Variants in NRXN3 observed in about 807,000 individuals in gnomAD.
NRXN3 encodes neurexin 3.
A neutral mutation model predicts 137.6 loss-of-function variants in NRXN3; 32 were observed. The ratio of observed to expected loss-of-function variants is 0.23; its 90% CI spans 0.18 to 0.31. The LOEUF is 0.31. Ranked by LOEUF, NRXN3 falls within the 10% of genes least tolerant of loss-of-function variation. The pLI is 1.00. For synonymous variants in NRXN3, 798 were observed against 784.5 expected (o/e 1.02, Z -0.29); for missense variants, 1,574 against 2,062.5 (o/e 0.76, Z 4.59).
At chr14:79,523,219 C>T (rs973165121) in intron 16 of NRXN3, among the ~76,000 whole-genome samples, 1 of 152,102 alleles carries the variant, frequency 6.6e-6, no homozygotes, top group Non-Finnish European at 1.5e-5. Flanking sequence ...CAGGTAGCCA[C>T]ATGGTTCTTA....
At chr14:78,381,677 C>A (rs1174158393) in intron 4 of NRXN3, among the ~76,000 whole-genome samples, 1 of 152,112 alleles carries the variant, frequency 6.6e-6, no homozygotes, top group Non-Finnish European at 1.5e-5. Flanking sequence ...CTGGAGATAA[C>A]CCAGATATCC....
chr14:79,808,750 A>G (rs1159486851), intron 20 of NRXN3, among the ~76,000 whole-genome samples: 3 of 152,194 alleles, frequency 2.0e-5, no homozygotes, highest in Non-Finnish European at 4.4e-5. Context: ...AGTGTGTGCT[A>G]TAATTCAATT....
intron 8 of NRXN3, among the ~76,000 whole-genome samples, chr14:78,794,763 A>C (rs2098816163): frequency 6.6e-6 from 1 of 152,140 alleles, no homozygotes; most frequent in Non-Finnish European, 1.5e-5. Flanking sequence ...AAAATGATGA[A>C]CATGTACTAT....
intron 10 of NRXN3, among the ~76,000 whole-genome samples, chr14:78,920,315 G>T (rs1289247638): frequency 6.6e-6 from 1 of 151,968 alleles, no homozygotes; most frequent in African/African-American, 2.4e-5. Flanking sequence ...GCAAGTCAAT[G>T]GCTACATCAA....
intron 6 of NRXN3, among the ~76,000 whole-genome samples, chr14:78,667,325 G>T (rs1393488087): frequency 6.6e-6 from 1 of 152,128 alleles, no homozygotes; most frequent in Non-Finnish European, 1.5e-5. Flanking sequence ...TTTCTTATGA[G>T]GATCAAATGA....
intron 16 of NRXN3, among the ~76,000 whole-genome samples, chr14:79,504,704 A>G (rs2096860102): frequency 1.4e-5 from 2 of 143,832 alleles, no homozygotes; most frequent in South Asian, 4.3e-4. Context: ...ACATTTCATG[A>G]TGAAATAAAA....
At chr14:79,109,301 T>G (rs2152875765) in intron 15 of NRXN3, among the ~76,000 whole-genome samples, 1 of 149,720 alleles carries the variant, frequency 6.7e-6, no homozygotes, top group African/African-American at 2.4e-5. Context: ...CTTATCTTCT[T>G]GTAAGTTTGA....
chr14:79,693,476 C>G (rs778501028), intron 18 of NRXN3, among the ~76,000 whole-genome samples: 47 of 151,930 alleles, frequency 3.1e-4, no homozygotes, highest in Non-Finnish European at 6.0e-4. Context: ...ATCATCAGCT[C>G]ATAAAGTCCC....
chr14:79,237,477 C>T (rs1443532374), intron 15 of NRXN3, among the ~76,000 whole-genome samples: 1 of 151,984 alleles, frequency 6.6e-6, no homozygotes, highest in Non-Finnish European at 1.5e-5. Flanking sequence ...GGTGGATTAT[C>T]TTAGGTGATA....
chr14:78,353,208 G>A (rs970346881), intron 4 of NRXN3, among the ~76,000 whole-genome samples: 2 of 152,170 alleles, frequency 1.3e-5, no homozygotes, highest in African/African-American at 2.4e-5. Flanking sequence ...AAGACCCCAC[G>A]TCTCTGGTTC....
chr14:79,798,968 G>C lies in NRXN3; in HGVS notation c.4015-6144G>C, dbSNP rs76215628. ...ATACGTCAGATTTGTGAAACTTAGG[G>C]AATTGGAAGGTAAATATACCCATAA... On this transcript the variant is annotated intron_variant, in intron 19 of 20. Coordinates refer to ENST00000335750, the MANE Select transcript of NRXN3 (RefSeq NM_001330195.2). 1.7e-3 allele frequency among the ~76,000 whole-genome samples: 260 copies of C among 152,278 alleles called. No individual in the cohort carries two copies. The Middle Eastern group carries it at 0.02, about 12-fold the overall frequency.
intron 8 of NRXN3, among the ~76,000 whole-genome samples, chr14:78,733,008 T>C (rs2098523726): frequency 6.6e-6 from 1 of 152,196 alleles, no homozygotes; most frequent in South Asian, 2.1e-4. Flanking sequence ...ATGCACTGCA[T>C]AGGGTTTTGG....
At chr14:78,667,834 A>G (rs891829449) in intron 6 of NRXN3, among the ~76,000 whole-genome samples, 11 of 151,922 alleles carry the variant, frequency 7.2e-5, no homozygotes, top group African/African-American at 2.7e-4. Context: ...CCCAGGCTGG[A>G]GAGCAATGGT....
chr14:79,495,696 A>C (rs529911544), intron 16 of NRXN3, among the ~76,000 whole-genome samples: 207 of 152,268 alleles, frequency 1.4e-3, no homozygotes, highest in African/African-American at 4.9e-3. Flanking sequence ...GAAATACACA[A>C]TAGATAGGAA....
At chr14:79,267,408 G>C (rs2078607259) in intron 15 of NRXN3, among the ~76,000 whole-genome samples, 1 of 150,594 alleles carries the variant, frequency 6.6e-6, no homozygotes, top group Non-Finnish European at 1.5e-5. Flanking sequence ...TCCCAGGCTG[G>C]AGTGTAGTGG....
At chr14:79,065,402 G>A (rs1011864805) in intron 15 of NRXN3, among the ~76,000 whole-genome samples, 2 of 152,124 alleles carry the variant, frequency 1.3e-5, no homozygotes, top group African/African-American at 4.8e-5. Flanking sequence ...ACTTTAGGGT[G>A]GAACTGGTGA....
At chr14:79,751,542 T>C (rs1206737472) in intron 19 of NRXN3, among the ~76,000 whole-genome samples, 4 of 151,838 alleles carry the variant, frequency 2.6e-5, no homozygotes, top group Non-Finnish European at 5.9e-5. Context: ...CTTCCTCTTT[T>C]CCTAATTGAA....
At chr14:79,753,766 C>T (rs894247014) in intron 19 of NRXN3, among the ~76,000 whole-genome samples, 1 of 151,790 alleles carries the variant, frequency 6.6e-6, no homozygotes, top group African/African-American at 2.4e-5. Flanking sequence ...GTTGCCTAAG[C>T]CTGCCCACCT....
At chr14:79,761,838 A>C (rs1035083159) in intron 19 of NRXN3, among the ~76,000 whole-genome samples, 2 of 151,668 alleles carry the variant, frequency 1.3e-5, no homozygotes, top group African/African-American at 4.9e-5. Flanking sequence ...TTAGCTTTTC[A>C]TGTGTTCTGG....
Sources: gnomAD v4.1 joint callset for allele counts (sites outside exome capture counted in the v4.1 genomes callset) on GRCh38, gnomAD v4.1.1 for gene constraint, MANE v1.5 for transcripts, NCBI Gene and HGNC (gene_info 2026-07-23, HGNC 2026-07-21) for gene names.